The following CACNA2D2 variants were observed in gnomAD, a reference collection of about 807,000 sequenced individuals.
CACNA2D2 encodes calcium voltage-gated channel auxiliary subunit alpha2delta 2, also known as voltage-dependent calcium channel subunit alpha-2/delta-2.
Under a neutral mutation model 166.4 loss-of-function variants are expected in CACNA2D2, and 48 were observed. That is an observed-to-expected ratio of 0.29 (90% confidence interval 0.23 to 0.37). The LOEUF is 0.37. Ranked by LOEUF, CACNA2D2 falls within the 10% of genes least tolerant of loss-of-function variation. The pLI, the probability that CACNA2D2 is intolerant of heterozygous loss-of-function variation, is 1.00. For missense variants in CACNA2D2, 1,122 were observed against 1,433.0 expected (o/e 0.78, Z 3.50); for synonymous variants, 561 against 573.7 (o/e 0.98, Z 0.32).
chr3:50,378,709 G>A (rs1705122405), intron 13 of CACNA2D2, among the ~76,000 whole-genome samples: 2 of 152,224 alleles, frequency 1.3e-5, no homozygotes, highest in African/African-American at 4.8e-5. Context: ...TTGGACAATG[G>A]ACAGACAGAC....
intron 1 of CACNA2D2, among the ~76,000 whole-genome samples, chr3:50,493,952 A>G (rs1698621760): frequency 6.6e-6 from 1 of 152,246 alleles, no homozygotes; most frequent in Non-Finnish European, 1.5e-5. Flanking sequence ...CAAGTGTCCC[A>G]GATAGTCCCA....
At chr3:50,497,738 T>C (rs1276377472) in intron 1 of CACNA2D2, among the ~76,000 whole-genome samples, 1 of 152,126 alleles carries the variant, frequency 6.6e-6, no homozygotes, top group African/African-American at 2.4e-5. Flanking sequence ...GCCATCTCAA[T>C]CTCTGTGGTC....
At chr3:50,400,379 C>A (rs578015388) in intron 3 of CACNA2D2, among the ~76,000 whole-genome samples, 2 of 152,362 alleles carry the variant, frequency 1.3e-5, no homozygotes, top group East Asian at 1.9e-4. Flanking sequence ...CCAAAAGAAT[C>A]CCCTCAGCCC....
At chr3:50,490,409 G>A (rs1018868129) in intron 1 of CACNA2D2, among the ~76,000 whole-genome samples, 1 of 152,150 alleles carries the variant, frequency 6.6e-6, no homozygotes, top group Non-Finnish European at 1.5e-5. Flanking sequence ...GGAAGAGGGG[G>A]CTCTAGAAAA....
chr3:50,376,233 G>A lies in CACNA2D2; in HGVS notation c.1627-45C>T. The A allele has an allele frequency of 6.3e-7, 1 of 1,592,360 alleles. No individual in the cohort carries two copies. The highest frequency in any genetic ancestry group is 1.3e-5 in the African/African-American group (1 of 74,590). ...GCTCAGGGTCTGGAGGGATGGGCTG[G>A]GGTTCCCTGGGCTCCGGAGTTCTTC... On this transcript the variant is annotated intron_variant, in intron 17 of 37. Coordinates refer to ENST00000424201, the MANE Select transcript of CACNA2D2 (RefSeq NM_006030.4). This position sits in a 1 kb window ranked among gnomAD's most constrained non-coding sequence, Gnocchi z 4.3.
At chr3:50,466,527 AC>A (rs1322137601) in intron 2 of CACNA2D2, among the ~76,000 whole-genome samples, 1 of 152,180 alleles carries the variant, frequency 6.6e-6, no homozygotes, top group Non-Finnish European at 1.5e-5. Context: ...ACAAACGCTC[AC>A]ATGTTACTTA....
chr3:50,455,644 C>T (rs1253770066), intron 2 of CACNA2D2, among the ~76,000 whole-genome samples: 2 of 152,158 alleles, frequency 1.3e-5, no homozygotes, highest in Admixed American at 6.5e-5. Flanking sequence ...GAGGCCAGCG[C>T]AACAAGGACC....
chr3:50,370,445 C>T, intron 22 of CACNA2D2, 65 bp from the exon 23 acceptor site: 2 of 405,950 alleles, frequency 4.9e-6, no homozygotes, highest in Admixed American at 3.2e-5. Flanking sequence ...GGGCTCAGAG[C>T]TGACGGGGCT....
chr3:50,403,461 C>CCT (rs761171923), intron 3 of CACNA2D2, among the ~76,000 whole-genome samples: 1 of 152,184 alleles, frequency 6.6e-6, no homozygotes, highest in Non-Finnish European at 1.5e-5. Flanking sequence ...TCATTACCCC[C>CCT]CTGCAGCCCT....
At chr3:50,396,832 C>T (rs943055902) in intron 3 of CACNA2D2, among the ~76,000 whole-genome samples, 18 of 152,312 alleles carry the variant, frequency 1.2e-4, no homozygotes, top group African/African-American at 3.8e-4. Flanking sequence ...TCTGTTGAGG[C>T]CCCTGTCCTT....
chr3:50,501,677 C>T (rs1698969523), intron 1 of CACNA2D2, among the ~76,000 whole-genome samples: 2 of 152,330 alleles, frequency 1.3e-5, no homozygotes, highest in East Asian at 3.9e-4. Context: ...TAAACCTTCA[C>T]TCAAGGAGCT....
intron 1 of CACNA2D2, among the ~76,000 whole-genome samples, chr3:50,494,647 C>A (rs1427235489): frequency 6.6e-6 from 1 of 152,070 alleles, no homozygotes; most frequent in African/African-American, 2.4e-5. Context: ...ACTTGCCCCC[C>A]GACCCATGCC....
rs1188118718 is a variant in CACNA2D2 at position 50,363,123 on chromosome 3, T to TA, written c.*1542_*1543insT. 2.0e-5 allele frequency: 8 copies of TA among 398,672 alleles called. No individual in the cohort carries two copies. The highest frequency in any genetic ancestry group is 4.4e-5 in the Admixed American group (1 of 22,714). The allele number at this position is 398,672 out of a possible 1,614,324, so 24.7% of individuals were successfully genotyped here. A position where few individuals can be genotyped will look rare whatever the true frequency, so the allele number is the denominator to read the frequency against. On this transcript the variant is annotated 3_prime_UTR_variant, in exon 38 of 38. Transcript: ENST00000424201. ...CTGTTTTTTAAACTTAAAATATATA[T>TA]TTTTCTGTATATGTTTATATTCTCC... is the stretch of plus-strand genomic sequence containing the variant.
At chr3:50,437,262 G>A (rs1559947328) in intron 2 of CACNA2D2, among the ~76,000 whole-genome samples, 1 of 152,172 alleles carries the variant, frequency 6.6e-6, no homozygotes, top group Non-Finnish European at 1.5e-5. Context: ...CCTGTCATGT[G>A]CCTGCAGGCC....
At chr3:50,394,247 C>G in intron 3 of CACNA2D2, 79 bp from the exon 4 acceptor site, 1 of 1,184,886 alleles carries the variant, frequency 8.4e-7, no homozygotes, top group Non-Finnish European at 1.3e-6. Context: ...TCTCCATCCC[C>G]AGCACTCCCT....
chr3:50,376,217 C>A lies in CACNA2D2; in HGVS notation c.1627-29G>T. The A allele has an allele frequency of 6.2e-7, 1 of 1,611,100 alleles. No homozygotes were observed. The highest frequency in any genetic ancestry group is 1.1e-5 in the South Asian group (1 of 90,992). On this transcript the variant is annotated intron_variant, in intron 17 of 37. Transcript: ENST00000424201. This position sits in a 1 kb window ranked among gnomAD's most constrained non-coding sequence, Gnocchi z 4.3. ...GAGGCACAGATTGGGGGCTCAGGGT[C>A]TGGAGGGATGGGCTGGGGTTCCCTG... is the stretch of plus-strand genomic sequence containing the variant.
intron 2 of CACNA2D2, among the ~76,000 whole-genome samples, chr3:50,466,597 A>C (rs2107037307): frequency 6.6e-6 from 1 of 152,306 alleles, no homozygotes; most frequent in South Asian, 2.1e-4. Flanking sequence ...ATGTGTGCTC[A>C]CATTCCCCAT....
At chr3:50,413,445 G>A (rs1480609113) in intron 3 of CACNA2D2, among the ~76,000 whole-genome samples, 1 of 152,192 alleles carries the variant, frequency 6.6e-6, no homozygotes, top group African/African-American at 2.4e-5. Flanking sequence ...ATTGGGCCAT[G>A]GCTGTGTGGA....
chr3:50,478,219 G>T (rs1348206298), intron 1 of CACNA2D2, among the ~76,000 whole-genome samples: 1 of 152,230 alleles, frequency 6.6e-6, no homozygotes, highest in Non-Finnish European at 1.5e-5. Flanking sequence ...GCAGGCCTCA[G>T]CTGCCAGCCT....
Sources: allele counts gnomAD v4.1 joint callset (sites outside exome capture counted in the v4.1 genomes callset), GRCh38; gene constraint gnomAD v4.1.1; non-coding constraint Gnocchi (gnomAD v3.1); transcripts MANE v1.5; gene names NCBI Gene and HGNC (gene_info 2026-07-23, HGNC 2026-07-21).